The following PIGN variants were observed in gnomAD, a reference collection of about 807,000 sequenced individuals.
PIGN encodes GPI ethanolamine phosphate transferase 1.
A neutral mutation model predicts 125.4 loss-of-function variants in PIGN; 117 were observed. The observed-to-expected ratio is 0.93, with a 90% confidence interval of 0.80 to 1.09. The LOEUF is 1.09. Ranked by LOEUF, PIGN falls within the 50% of genes least tolerant of loss-of-function variation. The probability of loss-of-function intolerance (pLI) is 0.00; values close to 1 mark genes in which losing one functional copy is unlikely to be tolerated. For missense variants in PIGN, 1,075 were observed against 1,094.9 expected, an observed-to-expected ratio of 0.98 and a Z score of 0.26; for synonymous variants, 392 against 377.8, an observed-to-expected ratio of 1.04 and a Z score of -0.44.
At chr18:62,142,869 T>G (rs551480642) in intron 11 of PIGN, among the ~76,000 whole-genome samples, 1 of 152,334 alleles carries the variant, frequency 6.6e-6, no homozygotes, top group South Asian at 2.1e-4. Context: ...CATCATTTTT[T>G]TCCCCATTGC....
chr18:62,105,644 A>G lies in PIGN; in HGVS notation c.1768-10T>C. On this transcript the variant is annotated splice_polypyrimidine_tract_variant and intron_variant, in intron 19 of 30. Coordinates refer to ENST00000640252, the MANE Select transcript of PIGN (RefSeq NM_176787.5). ...AACTCAGTGAGGTCATCTAAAATCA[A>G]GAAAAAAGTTATCTTTAGACAAATA... 1 of 1,503,920 alleles carries G rather than the reference A, an allele frequency of 6.6e-7. No individual in the cohort carries two copies. The highest frequency in any genetic ancestry group is 9.0e-7 in the Non-Finnish European group (1 of 1,109,612). The allele number at this position is 1,503,920 out of a possible 1,614,324, so 93.2% of individuals were successfully genotyped here. A position where few individuals can be genotyped will look rare whatever the true frequency, so the allele number is the denominator to read the frequency against.
chr18:62,176,503 T>C (rs2037529574), intron 1 of PIGN, among the ~76,000 whole-genome samples: 1 of 151,844 alleles, frequency 6.6e-6, no homozygotes. Flanking sequence ...TTTAACCAAG[T>C]GGTCATGGTT....
chr18:62,029,726 CTT>C (rs1329315449), intron 23 of PIGN, among the ~76,000 whole-genome samples: 1 of 152,180 alleles, frequency 6.6e-6, no homozygotes, highest in Admixed American at 6.5e-5. Flanking sequence ...GAACAGAACT[CTT>C]AGCAGGAGAA....
chr18:62,059,027 A>T (rs1440036552), intron 30 of PIGN: 1 of 152,024 alleles, frequency 6.6e-6, no homozygotes, highest in Non-Finnish European at 1.5e-5. Context: ...GTCTCTAAAA[A>T]ATAAAAATTA....
chr18:62,100,367 G>A (rs1259970711), intron 22 of PIGN, among the ~76,000 whole-genome samples: 4 of 152,182 alleles, frequency 2.6e-5, no homozygotes, highest in Non-Finnish European at 5.9e-5. Flanking sequence ...CATTGTTGGT[G>A]GGAATGTAAG....
intron 28 of PIGN, among the ~76,000 whole-genome samples, chr18:62,079,394 A>T (rs2033339854): frequency 1.3e-5 from 2 of 152,232 alleles, no homozygotes; most frequent in African/African-American, 4.8e-5. Flanking sequence ...ACAAACTCAA[A>T]CCCTATGTAC....
intron 1 of PIGN, chr18:62,174,228 A>AG (rs1182665195): frequency 1.3e-5 from 2 of 150,922 alleles, no homozygotes; most frequent in African/African-American, 2.4e-5. Flanking sequence ...AAAAAAAAAA[A>AG]CTGATCATTT....
intron 30 of PIGN, among the ~76,000 whole-genome samples, chr18:62,059,843 A>G (rs1228791939): frequency 6.6e-6 from 1 of 152,250 alleles, no homozygotes; most frequent in Non-Finnish European, 1.5e-5. Context: ...AAAGCTGTTA[A>G]GAATAAAAAC....
Position 62,106,867 on chromosome 18 carries a change from G to GA in PIGN, c.1688dup (p.Tyr564LeufsTer81), listed in dbSNP as rs768557691. The GA allele has an allele frequency of 4.4e-6, 7 of 1,607,504 alleles. No individual in the cohort carries two copies. The highest frequency in any genetic ancestry group is 2.2e-5 in the East Asian group (1 of 44,590). On this transcript the variant is annotated frameshift_variant, in exon 19 of 31. Coordinates refer to ENST00000640252, the MANE Select transcript of PIGN (RefSeq NM_176787.5). LOFTEE classifies it high-confidence loss of function. ...GTCCAGCGGTAAGCATATAGCGGTAGAAAAAACTGAGAACCTAGTAATGCA... is the reference window on the plus strand; with the variant it reads ...GTCCAGCGGTAAGCATATAGCGGTAGAAAAAAACTGAGAACCTAGTAATGCA...
intron 14 of PIGN, 94 bp downstream of exon 14, chr18:62,138,149 G>A: frequency 3.4e-6 from 5 of 1,482,988 alleles, no homozygotes; most frequent in Non-Finnish European, 4.5e-6. Flanking sequence ...ATGGCAAACT[G>A]TATAAGTAAA....
intron 29 of PIGN, among the ~76,000 whole-genome samples, chr18:62,072,928 A>G (rs986579148): frequency 1.3e-5 from 2 of 152,302 alleles, no homozygotes; most frequent in Middle Eastern, 3.4e-3. Context: ...AGAATTATCA[A>G]TCAAATGAAC....
intron 20 of PIGN, among the ~76,000 whole-genome samples, chr18:62,104,135 C>A (rs2146374918): frequency 6.6e-6 from 1 of 152,148 alleles, no homozygotes; most frequent in African/African-American, 2.4e-5. Flanking sequence ...AAATAAGTTG[C>A]AAATATAGCT....
At chr18:62,065,035 A>T (rs928010663) in intron 30 of PIGN, among the ~76,000 whole-genome samples, 1 of 152,172 alleles carries the variant, frequency 6.6e-6, no homozygotes, top group African/African-American at 2.4e-5. Context: ...CAAACACGGG[A>T]CTTCCGGAAT....
In PIGN at chr18:62,176,952, T is replaced by C. The variant is rs142351343; in HGVS notation, c.-236+9892A>G. On this transcript the variant is annotated intron_variant, in intron 1 of 30. Coordinates refer to ENST00000640252, the MANE Select transcript of PIGN (RefSeq NM_176787.5). The stretch of plus-strand genomic sequence containing the variant: ...AACTTTTCCACAGATCTAAACATTA[T>C]TTTTAAATAAAAAGTAAAAAAAAAA... Among the ~76,000 whole-genome samples, 17 of 107,464 alleles carry C rather than the reference T, an allele frequency of 1.6e-4. No homozygotes were observed. The East Asian group carries it at 5.1e-3, about 32-fold the overall frequency. The allele number at this position is 107,464 out of a possible 152,430, so 70.5% of individuals were successfully genotyped here.
chr18:62,102,404 A>G (rs763192351), intron 21 of PIGN, among the ~76,000 whole-genome samples: 1 of 150,850 alleles, frequency 6.6e-6, no homozygotes, highest in Non-Finnish European at 1.5e-5. Context: ...CACCTGGGAC[A>G]TTAACTGAAG....
chr18:62,132,678 TTA>T (rs2035783179), intron 14 of PIGN, among the ~76,000 whole-genome samples: 1 of 151,852 alleles, frequency 6.6e-6, no homozygotes, highest in African/African-American at 2.4e-5. Context: ...CCCATCTCTA[TTA>T]AAAAAAAATG....
chr18:62,032,669 A>C (rs77114385), intron 23 of PIGN, among the ~76,000 whole-genome samples: 167 of 152,356 alleles, frequency 1.1e-3, no homozygotes, highest in Non-Finnish European at 2.1e-3. Flanking sequence ...ATTTTTTTTA[A>C]AAGTCTCATT....
At chr18:62,033,716 A>G (rs1317022414) in intron 23 of PIGN, among the ~76,000 whole-genome samples, 2 of 152,092 alleles carry the variant, frequency 1.3e-5, no homozygotes, top group Non-Finnish European at 2.9e-5. Flanking sequence ...TACTTGTTGC[A>G]CGTATTGCTC....
At chr18:62,085,988 A>G (rs922996482) in intron 25 of PIGN, among the ~76,000 whole-genome samples, 1 of 152,216 alleles carries the variant, frequency 6.6e-6, no homozygotes, top group Non-Finnish European at 1.5e-5. Flanking sequence ...TTTCAGTGAA[A>G]AAGAGGCATT....
Sources: gnomAD v4.1 joint callset for allele counts (sites outside exome capture counted in the v4.1 genomes callset) on GRCh38, gnomAD v4.1.1 for gene constraint, MANE v1.5 for transcripts, NCBI Gene and HGNC (gene_info 2026-07-23, HGNC 2026-07-21) for gene names.